Variants in SHANK2 observed in about 807,000 individuals in gnomAD.
SHANK2 encodes the protein SH3 and multiple ankyrin repeat domains protein 2.
Under a neutral mutation model 133.7 loss-of-function variants are expected in SHANK2, and 43 were observed. The observed-to-expected ratio is 0.32, with a 90% CI of 0.25 to 0.41. The LOEUF (loss-of-function observed/expected upper bound fraction) is 0.41. Among genes scored for constraint, SHANK2 ranks in the 10% least tolerant of loss-of-function variants. The pLI, the probability that SHANK2 is intolerant of heterozygous loss-of-function variation, is 1.00. For missense variants in SHANK2, 1,994 were observed against 2,235.8 expected, an observed-to-expected ratio of 0.89 and a Z score of 2.18; for synonymous variants, 1,017 against 952.8, an observed-to-expected ratio of 1.07 and a Z score of -1.24.
At chr11:71,235,107 C>A (rs928149884) in intron 1 of SHANK2, among the ~76,000 whole-genome samples, 11 of 152,150 alleles carry the variant, frequency 7.2e-5, no homozygotes, top group African/African-American at 2.7e-4. Flanking sequence ...TCCTAATACC[C>A]TTAGAATTTC....
In SHANK2 at chr11:70,486,647, G is replaced by T; in HGVS notation, c.3646C>A (p.Leu1216Met). The change falls in exon 25 of 26, where the codon CTG becomes ATG. Residue 1216 changes from leucine (L) to methionine (M), a missense_variant. Coordinates refer to ENST00000601538, the MANE Select transcript of SHANK2 (RefSeq NM_012309.5). This position sits in a 1 kb window ranked among gnomAD's most constrained non-coding sequence, Gnocchi z 8.0. ...TGRLLDPSSP[L>M]ALALSARDRA... ...TCCCTTGCGGAGAGTGCCAGGGCCAGCGGGGAGCTGGGATCAAGCAGCCGC... is the reference window on the plus strand; with the variant it reads ...TCCCTTGCGGAGAGTGCCAGGGCCATCGGGGAGCTGGGATCAAGCAGCCGC... 6.2e-7 allele frequency: 1 copy of T among 1,612,568 alleles called. No individual in the cohort carries two copies. Among genetic ancestry groups the T allele is most frequent in the Non-Finnish European group, 8.5e-7 (1 of 1,180,018 alleles).
chr11:70,483,356 C>T (rs1164789814), intron 25 of SHANK2, among the ~76,000 whole-genome samples: 2 of 151,914 alleles, frequency 1.3e-5, no homozygotes, highest in Admixed American at 6.6e-5. Flanking sequence ...AGAGTAATGA[C>T]GGAAGAGCCA....
At chr11:70,519,396 G>A (rs2059302979) in intron 17 of SHANK2, among the ~76,000 whole-genome samples, 1 of 152,176 alleles carries the variant, frequency 6.6e-6, no homozygotes. Context: ...GCTCACGCCT[G>A]TAATCCCAGC....
chr11:70,903,600 T>C (rs948661009), intron 10 of SHANK2, among the ~76,000 whole-genome samples: 2 of 152,122 alleles, frequency 1.3e-5, no homozygotes, highest in Non-Finnish European at 2.9e-5. Context: ...GGAAAGACAG[T>C]AGAGGCACCC....
intron 2 of SHANK2, among the ~76,000 whole-genome samples, chr11:71,183,346 A>G (rs1184843891): frequency 6.6e-6 from 1 of 152,090 alleles, no homozygotes; most frequent in Non-Finnish European, 1.5e-5. Context: ...CCCCCGGGTG[A>G]GCAGAGAGGG....
At chr11:70,786,663 T>A (rs1947660716) in intron 14 of SHANK2, among the ~76,000 whole-genome samples, 1 of 152,010 alleles carries the variant, frequency 6.6e-6, no homozygotes, top group Non-Finnish European at 1.5e-5. Flanking sequence ...CAAGAGGGGA[T>A]GTGAGGAAAG....
chr11:70,834,533 G>C lies in SHANK2; in HGVS notation c.1175-13851C>G, dbSNP rs184542633. Among the ~76,000 whole-genome samples the C allele has an allele frequency of 6.6e-5, 10 of 152,324 alleles. No homozygotes were observed. In the South Asian group the frequency reaches 8.3e-4, roughly 13 times the overall value. ...GCAGGTGCAGGGCAGGTACAAGCTAGAGCGGGATTCTTCCTGCCCATCCCC... is the reference window on the plus strand; with the variant it reads ...GCAGGTGCAGGGCAGGTACAAGCTACAGCGGGATTCTTCCTGCCCATCCCC... On this transcript the variant is annotated intron_variant, in intron 11 of 25. Transcript: ENST00000601538.
chr11:70,510,331 T>C (rs2059187803), intron 17 of SHANK2, among the ~76,000 whole-genome samples: 1 of 152,082 alleles, frequency 6.6e-6, no homozygotes, highest in African/African-American at 2.4e-5. Context: ...GGCACTGTCA[T>C]TGGAAAATGA....
At chr11:70,551,738 G>C (rs2059771600) in intron 17 of SHANK2, among the ~76,000 whole-genome samples, 1 of 152,218 alleles carries the variant, frequency 6.6e-6, no homozygotes, top group Non-Finnish European at 1.5e-5. Flanking sequence ...ATCCCACTTA[G>C]CCTCAGCTGT....
chr11:71,073,563 G>A (rs910794382), intron 9 of SHANK2, among the ~76,000 whole-genome samples: 23 of 151,928 alleles, frequency 1.5e-4, no homozygotes, highest in African/African-American at 5.6e-4. Context: ...AACCCCCAGG[G>A]CTCAAGTGAT....
At chr11:70,840,761 G>C (rs1200230814) in intron 11 of SHANK2, among the ~76,000 whole-genome samples, 1 of 152,190 alleles carries the variant, frequency 6.6e-6, no homozygotes, top group Non-Finnish European at 1.5e-5. Flanking sequence ...TGCAGACTCA[G>C]GATCTCCCTC....
At chr11:71,241,659 C>A (rs1361715085) in intron 1 of SHANK2, among the ~76,000 whole-genome samples, 1 of 152,140 alleles carries the variant, frequency 6.6e-6, no homozygotes, top group Non-Finnish European at 1.5e-5. Flanking sequence ...GATGAGACAC[C>A]CCCACCAGGT....
rs1950613235 is a variant in SHANK2, at chr11:70,939,282, C to T, written c.1108-42715G>A. On this transcript the variant is annotated intron_variant, in intron 10 of 25. Transcript: ENST00000601538. Reference sequence around the variant, plus strand: ...CTGAGGTCAGGAGTTTGAGACCAGCCTGACCAACATGGTGAAACCCCATCT... The same window carrying T: ...CTGAGGTCAGGAGTTTGAGACCAGCTTGACCAACATGGTGAAACCCCATCT... Among the ~76,000 whole-genome samples, 3 of 152,084 alleles carry T rather than the reference C, an allele frequency of 2.0e-5. 1 individual carries two copies. Among genetic ancestry groups the T allele is most frequent in the Admixed American group, 2.0e-4 (3 of 15,272 alleles).
chr11:71,078,236 C>A (rs1401248449), intron 8 of SHANK2, among the ~76,000 whole-genome samples: 1 of 150,884 alleles, frequency 6.6e-6, no homozygotes, highest in Non-Finnish European at 1.5e-5. Context: ...TGAAGGGACA[C>A]CCACTGGCTA....
intron 14 of SHANK2, among the ~76,000 whole-genome samples, chr11:70,797,687 C>T (rs1365487393): frequency 1.3e-5 from 2 of 152,202 alleles, no homozygotes; most frequent in African/African-American, 4.8e-5. Context: ...CACAAGAAGG[C>T]GTGCATGGTT....
In SHANK2 at chr11:71,252,324, C is replaced by A. The variant is rs1948198870; in HGVS notation, c.-113+101G>T. On this transcript the variant is annotated intron_variant, in intron 1 of 25. Transcript: ENST00000601538. This position sits in a 1 kb window ranked among gnomAD's most constrained non-coding sequence, Gnocchi z 6.3. ...ACCCGGTAGTTGGTGCTCCCGGAAT[C>A]GAGATGCCCCCAAAATGCCGTCAGT... The A allele has an allele frequency of 6.6e-6, 1 of 152,222 alleles. No individual in the cohort carries two copies. The highest frequency in any genetic ancestry group is 2.1e-4 in the South Asian group (1 of 4,826). 9.4% of individuals were successfully genotyped at this position (152,222 alleles called of 1,614,324 possible).
intron 14 of SHANK2, among the ~76,000 whole-genome samples, chr11:70,761,057 G>A (rs1267428804): frequency 7.2e-5 from 11 of 152,146 alleles, no homozygotes; most frequent in African/African-American, 2.7e-4. Context: ...AGGAGAGCGT[G>A]GGACCCTCCT....
intron 11 of SHANK2, among the ~76,000 whole-genome samples, chr11:70,884,224 CA>C (rs1555072954): frequency 6.6e-6 from 1 of 152,204 alleles, no homozygotes; most frequent in African/African-American, 2.4e-5. Flanking sequence ...ATAACGGGGT[CA>C]GGGGGTGCTT....
At chr11:71,145,577 G>T (rs1387951616) in intron 3 of SHANK2, among the ~76,000 whole-genome samples, 9 of 152,228 alleles carry the variant, frequency 5.9e-5, no homozygotes, top group Non-Finnish European at 1.2e-4. Flanking sequence ...GCAAGCTGCT[G>T]GCACTGGGGG....
Sources: allele counts gnomAD v4.1 joint callset (sites outside exome capture counted in the v4.1 genomes callset), GRCh38; gene constraint gnomAD v4.1.1; non-coding constraint Gnocchi (gnomAD v3.1); transcripts MANE v1.5; gene names NCBI Gene and HGNC (gene_info 2026-07-23, HGNC 2026-07-21).